NPAS3: variants seen among roughly 807,000 people sequenced by gnomAD.
NPAS3 encodes neuronal PAS domain protein 3, also known as neuronal PAS domain-containing protein 3.
NPAS3 carries 14 observed loss-of-function variants against 73.1 expected under a neutral mutation model. That is an observed-to-expected ratio of 0.19 (90% CI 0.13 to 0.30). The LOEUF (loss-of-function observed/expected upper bound fraction) is 0.30. NPAS3 is among the 10% of genes least tolerant of loss of function. The pLI is 1.00. For missense variants in NPAS3, 1,096 were observed against 1,250.0 expected, an observed-to-expected ratio of 0.88 and a Z score of 1.86; for synonymous variants, 620 against 541.5, an observed-to-expected ratio of 1.14 and a Z score of -2.01.
At chr14:33,414,574 CAA>C in intron 4 of NPAS3, among the ~76,000 whole-genome samples, 1 of 152,260 alleles carries the variant, frequency 6.6e-6, no homozygotes, top group East Asian at 1.9e-4. Flanking sequence ...TAAGAAACAA[CAA>C]AGGCTTTCAT....
chr14:32,971,677 C>T lies in NPAS3; in HGVS notation c.50+32311C>T, dbSNP rs899711616. Among the ~76,000 whole-genome samples, 11 of 152,194 alleles carry T rather than the reference C, an allele frequency of 7.2e-5. No individual in the cohort carries two copies. In the South Asian group the frequency reaches 1.9e-3, roughly 26 times the overall value. ...ATTTTAATTTTTTTATGCTTAGATA[C>T]TACCTCCTCAGTTGAGGACTAATAT... On this transcript the variant is annotated intron_variant, in intron 1 of 11. Coordinates refer to ENST00000356141, the Ensembl canonical transcript of NPAS3.
chr14:33,008,126 C>A (rs560438048), intron 1 of NPAS3, among the ~76,000 whole-genome samples: 19 of 151,980 alleles, frequency 1.3e-4, no homozygotes, highest in African/African-American at 4.6e-4. Flanking sequence ...AGAGAAACAC[C>A]AGCAGAGATT....
At chr14:33,508,410 A>G (rs947903662) in intron 4 of NPAS3, among the ~76,000 whole-genome samples, 2 of 152,046 alleles carry the variant, frequency 1.3e-5, no homozygotes, top group African/African-American at 4.8e-5. Context: ...GGGGGATACT[A>G]AGTACGAAGA....
chr14:33,799,630 C>T (rs1339904815), intron 11 of NPAS3, 104 bp from the exon 12 acceptor site: 9 of 1,204,436 alleles, frequency 7.5e-6, no homozygotes, highest in African/African-American at 4.6e-5. Flanking sequence ...CCCTGCTCCC[C>T]GCCCCAGCCC....
intron 1 of NPAS3, among the ~76,000 whole-genome samples, chr14:33,019,484 T>TA (rs57977791): frequency 1.3e-5 from 2 of 152,016 alleles, no homozygotes; most frequent in Non-Finnish European, 2.9e-5. Context: ...CCTATGGCTT[T>TA]AAAAAAAACC....
chr14:33,644,709 A>C (rs775424475), intron 5 of NPAS3, among the ~76,000 whole-genome samples: 8 of 152,144 alleles, frequency 5.3e-5, no homozygotes, highest in Non-Finnish European at 8.8e-5. Context: ...GTTCTGTTAG[A>C]TACTGCCGTT....
chr14:33,207,669 A>G (rs1439069887), intron 2 of NPAS3, among the ~76,000 whole-genome samples: 2 of 152,186 alleles, frequency 1.3e-5, no homozygotes, highest in East Asian at 1.9e-4. Flanking sequence ...TGTTAGGACA[A>G]TGCTCTCAGA....
intron 1 of NPAS3, among the ~76,000 whole-genome samples, chr14:32,981,308 C>T (rs1360048717): frequency 1.3e-5 from 2 of 152,164 alleles, no homozygotes; most frequent in Non-Finnish European, 2.9e-5. Context: ...GACAATAATT[C>T]ATATTTTGCA....
At chr14:33,031,390 G>A (rs2039982511) in intron 1 of NPAS3, among the ~76,000 whole-genome samples, 1 of 152,174 alleles carries the variant, frequency 6.6e-6, no homozygotes, top group Non-Finnish European at 1.5e-5. Context: ...CATATGCCTA[G>A]TTATGGCTAC....
chr14:33,270,086 G>T (rs548265932), intron 3 of NPAS3, among the ~76,000 whole-genome samples: 37 of 152,220 alleles, frequency 2.4e-4, no homozygotes, highest in Admixed American at 1.3e-3. Flanking sequence ...CTCTGGAGCA[G>T]AAACTCTCCA....
intron 6 of NPAS3, among the ~76,000 whole-genome samples, chr14:33,684,400 C>T (rs2060029997): frequency 6.6e-6 from 1 of 152,106 alleles, no homozygotes; most frequent in African/African-American, 2.4e-5. Context: ...CAACCTCCAT[C>T]TCTCGGGCTC....
At chr14:33,670,129 G>A (rs764686059) in intron 5 of NPAS3, among the ~76,000 whole-genome samples, 7 of 152,130 alleles carry the variant, frequency 4.6e-5, no homozygotes, top group Admixed American at 6.6e-5. Flanking sequence ...AACAAAAAAC[G>A]TACTTAATGG....
chr14:33,136,976 A>C (rs1168394088), intron 2 of NPAS3, among the ~76,000 whole-genome samples: 19 of 152,196 alleles, frequency 1.2e-4, no homozygotes, highest in Non-Finnish European at 2.8e-4. Context: ...CATTGATTAA[A>C]ATTGAGATGA....
chr14:33,215,453 G>A, intron 3 of NPAS3, 27 bp downstream of exon 3: 1 of 1,612,772 alleles, frequency 6.2e-7, no homozygotes, highest in Non-Finnish European at 8.5e-7. Context: ...TGTTCAGTCT[G>A]AATATGATGG....
chr14:33,300,930 G>T (rs1361000161), intron 3 of NPAS3, among the ~76,000 whole-genome samples: 1 of 152,162 alleles, frequency 6.6e-6, no homozygotes, highest in Non-Finnish European at 1.5e-5. Flanking sequence ...AAATAGGATT[G>T]AGGGCCAGGT....
intron 2 of NPAS3, among the ~76,000 whole-genome samples, chr14:33,171,061 GA>G (rs1423082686): frequency 1.3e-5 from 2 of 152,222 alleles, no homozygotes; most frequent in Non-Finnish European, 2.9e-5. Flanking sequence ...AGTAAGACTT[GA>G]AAGTCAAAAT....
chr14:33,323,208 G>A (rs558023416), intron 3 of NPAS3, among the ~76,000 whole-genome samples: 1 of 152,294 alleles, frequency 6.6e-6, no homozygotes, highest in South Asian at 2.1e-4. Context: ...AATAGACTAT[G>A]AGCTGTTGTC....
chr14:33,462,108 C>G (rs1344267759), intron 4 of NPAS3, among the ~76,000 whole-genome samples: 2 of 152,168 alleles, frequency 1.3e-5, no homozygotes, highest in Non-Finnish European at 2.9e-5. Context: ...ACCATCATTA[C>G]AGGAAGTTAG....
At chr14:33,621,864 G>C (rs944724749) in intron 5 of NPAS3, among the ~76,000 whole-genome samples, 2 of 152,106 alleles carry the variant, frequency 1.3e-5, no homozygotes, top group South Asian at 2.1e-4. Context: ...ACAGGGGAAA[G>C]GTCACTCAGA....
Sources: allele counts gnomAD v4.1 joint callset (sites outside exome capture counted in the v4.1 genomes callset), GRCh38; gene constraint gnomAD v4.1.1; transcripts MANE v1.5; gene names NCBI Gene and HGNC (gene_info 2026-07-23, HGNC 2026-07-21).